The following LINC00305 variants were observed in gnomAD, a reference collection of about 807,000 sequenced individuals.
LINC00305 encodes long intergenic non-protein coding RNA 305.
chr18:64,123,421 A>G (rs1053757383), intron 1 of LINC00305, among the ~76,000 whole-genome samples: 3 of 152,052 alleles, frequency 2.0e-5, no homozygotes, highest in Admixed American at 6.6e-5. Context: ...TTCAGAATCA[A>G]ATCAGACTAC....
At chr18:64,139,034 A>G (rs2051448642) in intron 1 of LINC00305, among the ~76,000 whole-genome samples, 1 of 152,144 alleles carries the variant, frequency 6.6e-6, no homozygotes, top group African/African-American at 2.4e-5. Context: ...TCATAATAGA[A>G]CTTTTGCAGG....
At chr18:64,125,643 C>T (rs960616302) in intron 1 of LINC00305, among the ~76,000 whole-genome samples, 1 of 151,908 alleles carries the variant, frequency 6.6e-6, no homozygotes, top group African/African-American at 2.4e-5. Flanking sequence ...ATCTTTCTGT[C>T]TCTTAAATTT....
chr18:64,107,132 GA>G (rs1460999240), intron 1 of LINC00305, among the ~76,000 whole-genome samples: 1 of 152,226 alleles, frequency 6.6e-6, no homozygotes, highest in African/African-American at 2.4e-5. Context: ...ATGGAGAAAA[GA>G]GCTCAGATCC....
intron 1 of LINC00305, among the ~76,000 whole-genome samples, chr18:64,135,028 G>A (rs1314871987): frequency 6.6e-6 from 1 of 152,170 alleles, no homozygotes; most frequent in East Asian, 1.9e-4. Context: ...CTGGAAACTG[G>A]AAGTCCGAAA....
At chr18:64,115,808 C>G (rs898156891) in intron 1 of LINC00305, among the ~76,000 whole-genome samples, 1 of 152,104 alleles carries the variant, frequency 6.6e-6, no homozygotes, top group Non-Finnish European at 1.5e-5. Flanking sequence ...AAGCTTCTTG[C>G]CAGTTTTGCA....
chr18:64,105,339 T>C (rs968136596), intron 1 of LINC00305, among the ~76,000 whole-genome samples: 4 of 152,016 alleles, frequency 2.6e-5, no homozygotes, highest in Admixed American at 6.6e-5. Flanking sequence ...CACACACCTG[T>C]AGTCCCAGCT....
At chr18:64,088,849 G>A (rs2051214112) in intron 3 of LINC00305, among the ~76,000 whole-genome samples, 1 of 152,162 alleles carries the variant, frequency 6.6e-6, no homozygotes, top group African/African-American at 2.4e-5. Context: ...GGGAGGATTA[G>A]CTGCAGAAGT....
chr18:64,142,367 G>A (rs539321609), intron 1 of LINC00305, among the ~76,000 whole-genome samples: 11 of 152,278 alleles, frequency 7.2e-5, no homozygotes, highest in Admixed American at 5.2e-4. Flanking sequence ...TTCCTTCCTG[G>A]CCTGGTGGAT....
chr18:64,120,793 G>A (rs992479973), intron 1 of LINC00305, among the ~76,000 whole-genome samples: 1 of 152,072 alleles, frequency 6.6e-6, no homozygotes, highest in African/African-American at 2.4e-5. Flanking sequence ...GGTTTTGCCA[G>A]TTGCCAGTTA....
intron 1 of LINC00305, among the ~76,000 whole-genome samples, chr18:64,122,249 T>C (rs1160113929): frequency 2.0e-5 from 3 of 152,132 alleles, no homozygotes; most frequent in Non-Finnish European, 4.4e-5. Context: ...AGTCATGAAT[T>C]CTTTACCTAG....
At chr18:64,143,808 T>C (rs956624093) in intron 1 of LINC00305, among the ~76,000 whole-genome samples, 1 of 151,624 alleles carries the variant, frequency 6.6e-6, no homozygotes, top group East Asian at 1.9e-4. Flanking sequence ...TACATGTATG[T>C]ATACATATAT....
intron 3 of LINC00305, among the ~76,000 whole-genome samples, chr18:64,083,257 T>G (rs1476397071): frequency 6.6e-6 from 1 of 152,160 alleles, no homozygotes; most frequent in Non-Finnish European, 1.5e-5. Flanking sequence ...CTCCCACCAC[T>G]GTCTTTGCAG....
intron 1 of LINC00305, among the ~76,000 whole-genome samples, chr18:64,134,673 C>T (rs918000680): frequency 1.3e-5 from 2 of 152,208 alleles, no homozygotes; most frequent in South Asian, 2.1e-4. Context: ...GTCCAAGTTA[C>T]GTCATTTTCT....
intron 3 of LINC00305, among the ~76,000 whole-genome samples, chr18:64,083,615 C>T (rs1259042422): frequency 1.3e-5 from 2 of 152,162 alleles, no homozygotes; most frequent in Non-Finnish European, 2.9e-5. Flanking sequence ...GTGGTGCTGA[C>T]GTGCACATGG....
At chr18:64,101,165 C>T (rs534339181) in intron 1 of LINC00305, among the ~76,000 whole-genome samples, 1 of 152,060 alleles carries the variant, frequency 6.6e-6, no homozygotes, top group Non-Finnish European at 1.5e-5. Context: ...CACCTCAGTT[C>T]AGGACAGGGG....
chr18:64,123,208 T>A (rs763050788), intron 1 of LINC00305, among the ~76,000 whole-genome samples: 3 of 152,154 alleles, frequency 2.0e-5, no homozygotes, highest in Non-Finnish European at 2.9e-5. Flanking sequence ...GGATTTTTAG[T>A]ACTATGTTGA....
At chr18:64,105,551 T>C (rs1268601252) in intron 1 of LINC00305, among the ~76,000 whole-genome samples, 1 of 152,148 alleles carries the variant, frequency 6.6e-6, no homozygotes, top group African/African-American at 2.4e-5. Context: ...TATATATTAT[T>C]TCTGTGGGTG....
At position 64,096,524 on chromosome 18, in the gene LINC00305, T is replaced by A. The variant is rs193234590; in HGVS notation, n.540+1310A>T. ...CAGAAGTTTATAGTGTATAATCCTG[T>A]TGGTATTAAAATCCATTGAATAAAT... is the stretch of plus-strand genomic sequence containing the variant. On this transcript the variant is annotated intron_variant and non_coding_transcript_variant, in intron 3 of 3. Coordinates refer to ENST00000666468, the Ensembl canonical transcript of LINC00305. Among the ~76,000 whole-genome samples, 400 of 151,896 alleles carry A rather than the reference T, an allele frequency of 2.6e-3. 3 individuals carry two copies. Among genetic ancestry groups the A allele is most frequent in the African/African-American group, 9.4e-3 (389 of 41,538 alleles).
At chr18:64,083,983 T>C (rs1489180672) in intron 3 of LINC00305, among the ~76,000 whole-genome samples, 1 of 152,194 alleles carries the variant, frequency 6.6e-6, no homozygotes. Context: ...CTCTTACCTC[T>C]AAAGAAATGG....
Sources: allele counts gnomAD v4.1 joint callset (sites outside exome capture counted in the v4.1 genomes callset), GRCh38; gene constraint gnomAD v4.1.1; transcripts MANE v1.5; gene names NCBI Gene and HGNC (gene_info 2026-07-23, HGNC 2026-07-21).